ZNF121: variants seen among roughly 807,000 people sequenced by gnomAD.
The protein encoded by ZNF121 is zinc finger protein 121.
A neutral mutation model predicts 2.4 loss-of-function variants in ZNF121; 1 was observed. The ratio of observed to expected loss-of-function variants is 0.41; its 90% CI spans 0.15 to 1.94. The LOEUF (loss-of-function observed/expected upper bound fraction) is 1.94. ZNF121 is among the 30% of genes most tolerant of loss of function. The probability of loss-of-function intolerance (pLI) is 0.30; values close to 1 mark genes in which losing one functional copy is unlikely to be tolerated. For synonymous variants in ZNF121, 173 were observed against 158.6 expected (o/e 1.09, Z -0.68); for missense variants, 369 against 466.3 (o/e 0.79, Z 1.92).
In ZNF121 at chr19:9,563,524, G is replaced by A. The variant is rs2074112645; in HGVS notation, c.*2416C>T. 1 of 152,236 alleles carries A rather than the reference G, an allele frequency of 6.6e-6. No individual in the cohort carries two copies. The highest frequency in any genetic ancestry group is 2.4e-5 in the African/African-American group (1 of 41,468). 9.4% of individuals were successfully genotyped at this position (152,236 alleles called of 1,614,324 possible). A position where few individuals can be genotyped will look rare whatever the true frequency, so the allele number is the denominator to read the frequency against. On this transcript the variant is annotated 3_prime_UTR_variant, in exon 4 of 4. Transcript: ENST00000320451. ...GAGACAAAACAGCCTTACTTCAGGA[G>A]ATGCCATTTAGGACTTTCACAGCTC...
In ZNF121 at chr19:9,562,926, G is replaced by A. The variant is rs1352901410; in HGVS notation, c.*3014C>T. 1 of 149,232 alleles carries A rather than the reference G, an allele frequency of 6.7e-6. No homozygotes were observed. Among genetic ancestry groups the A allele is most frequent in the Non-Finnish European group, 1.5e-5 (1 of 67,510 alleles). The allele number at this position is 149,232 out of a possible 1,614,324, so 9.2% of individuals were successfully genotyped here. A position where few individuals can be genotyped will look rare whatever the true frequency, so the allele number is the denominator to read the frequency against. On this transcript the variant is annotated 3_prime_UTR_variant, in exon 4 of 4. Transcript: ENST00000320451. ...AAAAAAAAAAAAATTAGCTGGCCAT[G>A]GTGGTGCACACCTGCAGTCTTTAGC...
chr19:9,575,272 A>T (rs1192621228), intron 1 of ZNF121, among the ~76,000 whole-genome samples: 1 of 152,152 alleles, frequency 6.6e-6, no homozygotes, highest in African/African-American at 2.4e-5. Flanking sequence ...ATTAAAAAAA[A>T]ATTAGCCTGG....
intron 1 of ZNF121, among the ~76,000 whole-genome samples, chr19:9,581,191 A>T (rs545188111): frequency 1.5e-3 from 230 of 152,336 alleles, no homozygotes; most frequent in Middle Eastern, 3.4e-3. Flanking sequence ...CGAACAAAGG[A>T]TTCTTAGCAA....
In ZNF121 at chr19:9,565,351, TACAAAAAAAAAAAAAAAAA is replaced by T. The variant is rs1258416303; in HGVS notation, c.*570_*588del. ...AAAAGAATGTGTATTAACAACGACTTACAAAAAAAAAAAAAAAAAAAAAAAAAAAAAAAAAAGGCCAGGA... is the reference window on the plus strand; with the variant it reads ...AAAAGAATGTGTATTAACAACGACTTAAAAAAAAAAAAAAAAAGGCCAGGA... On this transcript the variant is annotated 3_prime_UTR_variant, in exon 4 of 4. Transcript: ENST00000320451. 2.7e-5 allele frequency: 1 copy of T among 37,378 alleles called. No individual in the cohort carries two copies. The highest frequency in any genetic ancestry group is 7.6e-5 in the Non-Finnish European group (1 of 13,206). 2.3% of individuals were successfully genotyped at this position (37,378 alleles called of 1,614,324 possible).
intron 3 of ZNF121, 122 bp from the exon 4 acceptor site, chr19:9,567,231 A>G: frequency 1.3e-6 from 1 of 789,410 alleles, no homozygotes; most frequent in Non-Finnish European, 2.0e-6. Flanking sequence ...ACATGCATAC[A>G]GTTGCTGCCC....
intron 1 of ZNF121, among the ~76,000 whole-genome samples, chr19:9,573,145 G>T (rs957564920): frequency 1.3e-5 from 2 of 152,140 alleles, no homozygotes; most frequent in Non-Finnish European, 2.9e-5. Flanking sequence ...AACAGCAAAT[G>T]GGGAACCACG....
rs1332342547 is a variant in ZNF121 at position 9,564,619 on chromosome 19, GA to G, written c.*1320del. On this transcript the variant is annotated 3_prime_UTR_variant, in exon 4 of 4. Transcript: ENST00000320451. Reference sequence around the variant, plus strand: ...AGGCTGCTTTGTATAGATAAGCAAAGAAAGTGGTTTCCTGAAATGAAATCTA... The same window carrying G: ...AGGCTGCTTTGTATAGATAAGCAAAGAAGTGGTTTCCTGAAATGAAATCTA... 1.3e-5 allele frequency: 2 copies of G among 152,156 alleles called. No homozygotes were observed. The highest frequency in any genetic ancestry group is 1.3e-4 in the Admixed American group (2 of 15,278). 9.4% of individuals were successfully genotyped at this position (152,156 alleles called of 1,614,324 possible).
At chr19:9,578,591 T>C (rs903115384) in intron 1 of ZNF121, among the ~76,000 whole-genome samples, 1 of 152,080 alleles carries the variant, frequency 6.6e-6, no homozygotes, top group African/African-American at 2.4e-5. Context: ...ACCAAAAGCA[T>C]ACAATGGGAA....
rs1452674846 is a variant in ZNF121 at position 9,563,254 on chromosome 19, A to G, written c.*2686T>C. ...TGGATAGAAGATCAGACCAGCCACA[A>G]CATTCCCTTAAGCCAAAACCTAATC... On this transcript the variant is annotated 3_prime_UTR_variant, in exon 4 of 4. Transcript: ENST00000320451. The G allele has an allele frequency of 3.9e-5, 6 of 152,302 alleles. No homozygotes were observed. The East Asian group carries it at 1.2e-3, about 29-fold the overall frequency. 9.4% of individuals were successfully genotyped at this position (152,302 alleles called of 1,614,324 possible). A position where few individuals can be genotyped will look rare whatever the true frequency, so the allele number is the denominator to read the frequency against.
intron 1 of ZNF121, among the ~76,000 whole-genome samples, chr19:9,578,153 T>TGGAACTTGCAGTGAGCC (rs1030497504): frequency 1.4e-5 from 2 of 146,660 alleles, no homozygotes; most frequent in East Asian, 4.0e-4. Flanking sequence ...ACCCAAGAGG[T>TGGAACTTGCAGTGAGCC]GGAACTTGCA....
At position 9,566,846 on chromosome 19, in the gene ZNF121, T is replaced by C. The variant is rs772716113; in HGVS notation, c.267A>G (p.Glu89=). 1 of 1,614,234 alleles carries C rather than the reference T, an allele frequency of 6.2e-7. No homozygotes were observed. Among genetic ancestry groups the C allele is most frequent in the Non-Finnish European group, 8.5e-7 (1 of 1,180,034 alleles). Residue 89 remains glutamate, a synonymous_variant, in exon 4 of 4, where the codon GAA becomes GAG. Transcript: ENST00000320451. The part of the protein sequence containing the change: ...QRTWIGDKSF[E]YSDCEEAFVD... ...CAAAGGCTTCCTCACAGTCACTGTA[T>C]TCAAAGGATTTGTCTCCTATCCACG... is the stretch of plus-strand genomic sequence containing the variant.
intron 1 of ZNF121, among the ~76,000 whole-genome samples, chr19:9,575,463 G>C (rs1568214014): frequency 6.6e-6 from 1 of 151,760 alleles, no homozygotes; most frequent in African/African-American, 2.4e-5. Flanking sequence ...GGTCTCTATA[G>C]CTGGGAGTAG....
intron 1 of ZNF121, among the ~76,000 whole-genome samples, chr19:9,578,717 GA>G (rs1264031458): frequency 6.6e-6 from 1 of 152,150 alleles, no homozygotes; most frequent in African/African-American, 2.4e-5. Context: ...TCTAACACCT[GA>G]AACTATAAAG....
chr19:9,581,330 G>A (rs2074246910), intron 1 of ZNF121, among the ~76,000 whole-genome samples: 1 of 152,214 alleles, frequency 6.6e-6, no homozygotes, highest in East Asian at 1.9e-4. Flanking sequence ...CCTATTGGCC[G>A]GGGTCAGGTC....
intron 1 of ZNF121, among the ~76,000 whole-genome samples, chr19:9,580,893 C>T (rs548437685): frequency 4.6e-5 from 7 of 152,062 alleles, no homozygotes; most frequent in African/African-American, 1.2e-4. Flanking sequence ...CACTACCATG[C>T]GATAGAGAAT....
At chr19:9,580,318 T>TA (rs2144824571) in intron 1 of ZNF121, among the ~76,000 whole-genome samples, 1 of 150,184 alleles carries the variant, frequency 6.7e-6, no homozygotes, top group East Asian at 2.0e-4. Context: ...AAAAAAAAGA[T>TA]AGATATTCCC....
intron 3 of ZNF121, 23 bp downstream of exon 3, chr19:9,568,072 T>A (rs12462832): frequency 9.1e-6 from 14 of 1,539,436 alleles, no homozygotes; most frequent in Non-Finnish European, 1.2e-5. Flanking sequence ...TTGAGTGTGG[T>A]AAATAAGAAA....
intron 1 of ZNF121, among the ~76,000 whole-genome samples, chr19:9,577,305 G>A (rs796271364): frequency 3.3e-5 from 5 of 151,948 alleles, no homozygotes; most frequent in African/African-American, 1.2e-4. Flanking sequence ...AAAGTTAGCT[G>A]GGAGTGGAGG....
rs1410429952 is a variant in ZNF121, at chr19:9,561,567, A to G, written c.*4373T>C. On this transcript the variant is annotated 3_prime_UTR_variant, in exon 4 of 4. Transcript: ENST00000320451. Reference sequence around the variant, plus strand: ...TTCCTTACAAAATTCCAGTTAAGAAATGTAGAAGAAACTATGGAATTAGAA... The same window carrying G: ...TTCCTTACAAAATTCCAGTTAAGAAGTGTAGAAGAAACTATGGAATTAGAA... 6.6e-6 allele frequency: 1 copy of G among 152,198 alleles called. No homozygotes were observed. 9.4% of individuals were successfully genotyped at this position (152,198 alleles called of 1,614,324 possible).
Sources: allele counts gnomAD v4.1 joint callset (sites outside exome capture counted in the v4.1 genomes callset), GRCh38; gene constraint gnomAD v4.1.1; transcripts MANE v1.5; gene names NCBI Gene and HGNC (gene_info 2026-07-23, HGNC 2026-07-21).